Variants in TENM3 observed in about 807,000 individuals in gnomAD.
TENM3 encodes the protein teneurin transmembrane protein 3, also known as teneurin-3.
TENM3 carries 63 observed loss-of-function variants against 255.1 expected under a neutral mutation model. The ratio of observed to expected loss-of-function variants is 0.25; its 90% CI spans 0.20 to 0.30. TENM3 has a LOEUF of 0.30. TENM3 is among the 10% of genes least tolerant of loss of function. The probability of loss-of-function intolerance (pLI) is 1.00; values close to 1 mark genes in which losing one functional copy is unlikely to be tolerated. For synonymous variants in TENM3, 1,306 were observed against 1,322.3 expected (o/e 0.99, Z 0.27); for missense variants, 2,929 against 3,461.1 (o/e 0.85, Z 3.86).
intron 1 of TENM3, among the ~76,000 whole-genome samples, chr4:182,171,855 A>G (rs767012378): frequency 6.6e-6 from 1 of 152,196 alleles, no homozygotes; most frequent in African/African-American, 2.4e-5. Flanking sequence ...ACTGATTTTT[A>G]TAAACCGTGC....
At chr4:182,017,887 T>C in the TENM3 span, among the ~76,000 whole-genome samples, 22 of 152,192 alleles carry the variant, frequency 1.4e-4, no homozygotes, top group Admixed American at 3.9e-4. Context: ...TTATAATTTA[T>C]TGGCAATGTC....
the TENM3 span, among the ~76,000 whole-genome samples, chr4:181,800,407 G>A: frequency 1.4e-4 from 22 of 152,284 alleles, no homozygotes; most frequent in African/African-American, 4.6e-4. Context: ...CGAGGCAGGC[G>A]GATCACCTGA....
At chr4:182,321,967 T>A (rs1763082300) in intron 1 of TENM3, among the ~76,000 whole-genome samples, 1 of 151,984 alleles carries the variant, frequency 6.6e-6, no homozygotes, top group African/African-American at 2.4e-5. Context: ...AATAAATAAA[T>A]AAATAATACT....
intron 3 of TENM3, among the ~76,000 whole-genome samples, chr4:182,491,509 AATATTT>A (rs1014443279): frequency 2.6e-5 from 4 of 152,040 alleles, no homozygotes; most frequent in Non-Finnish European, 5.9e-5. Context: ...TGGTATGTAG[AATATTT>A]ATATTTATAT....
At chr4:181,910,609 T>A in the TENM3 span, among the ~76,000 whole-genome samples, 7 of 136,984 alleles carry the variant, frequency 5.1e-5, no homozygotes, top group Non-Finnish European at 7.9e-5. Flanking sequence ...TATATATATA[T>A]AAATACACGT....
At chr4:182,268,873 T>G (rs1008236085) in intron 1 of TENM3, among the ~76,000 whole-genome samples, 2 of 152,202 alleles carry the variant, frequency 1.3e-5, no homozygotes, top group Non-Finnish European at 2.9e-5. Context: ...CCCTCGGGGC[T>G]GCTCTGTCTA....
chr4:181,801,899 A>G, the TENM3 span, among the ~76,000 whole-genome samples: 2 of 151,786 alleles, frequency 1.3e-5, no homozygotes, highest in Non-Finnish European at 2.9e-5. Flanking sequence ...TCTTTTTTGA[A>G]CTTTGTCCTT....
chr4:182,504,219 C>T (rs1736597391), intron 3 of TENM3, among the ~76,000 whole-genome samples: 1 of 152,058 alleles, frequency 6.6e-6, no homozygotes, highest in Non-Finnish European at 1.5e-5. Flanking sequence ...CACTCATCCC[C>T]TGATGAATCT....
the TENM3 span, among the ~76,000 whole-genome samples, chr4:181,894,586 G>A: frequency 6.6e-6 from 1 of 152,142 alleles, no homozygotes; most frequent in African/African-American, 2.4e-5. Flanking sequence ...AAGAGAAGAA[G>A]TGATTGGAAG....
the TENM3 span, among the ~76,000 whole-genome samples, chr4:181,584,990 A>G: frequency 2.7e-4 from 36 of 134,882 alleles, no homozygotes; most frequent in Non-Finnish European, 5.2e-4. Context: ...TGCAACATAA[A>G]CGTATCCAGT....
the TENM3 span, among the ~76,000 whole-genome samples, chr4:181,556,556 T>A: frequency 6.6e-6 from 1 of 152,304 alleles, no homozygotes; most frequent in Admixed American, 6.5e-5. Flanking sequence ...TTATATACTC[T>A]GGACATTTTT....
chr4:182,589,027 A>G (rs1429264612), intron 3 of TENM3, among the ~76,000 whole-genome samples: 1 of 152,196 alleles, frequency 6.6e-6, no homozygotes, highest in African/African-American at 2.4e-5. Context: ...ACAAGAAGAG[A>G]ATAGCAGAGA....
At chr4:182,230,834 A>G (rs1432595797) in intron 1 of TENM3, among the ~76,000 whole-genome samples, 1 of 111,948 alleles carries the variant, frequency 8.9e-6, no homozygotes, top group Non-Finnish European at 2.0e-5. Flanking sequence ...ATATATATAT[A>G]TATATATATA....
At chr4:181,485,481 A>AT in the TENM3 span, among the ~76,000 whole-genome samples, 4,763 of 150,878 alleles carry the variant, frequency 0.032, 241 homozygotes, top group African/African-American at 0.11. Flanking sequence ...GTAGAAGAAG[A>AT]TTTTTTTTAA....
At chr4:182,028,745 G>C in the TENM3 span, among the ~76,000 whole-genome samples, 1 of 152,028 alleles carries the variant, frequency 6.6e-6, no homozygotes, top group Non-Finnish European at 1.5e-5. Context: ...GCTTGTATTT[G>C]TATGTTTTCT....
the TENM3 span, among the ~76,000 whole-genome samples, chr4:181,814,160 G>A: frequency 2.0e-5 from 3 of 152,080 alleles, no homozygotes; most frequent in African/African-American, 4.8e-5. Flanking sequence ...ATATAAAACA[G>A]CAATAAATTT....
chr4:181,953,253 G>A, the TENM3 span, among the ~76,000 whole-genome samples: 3 of 129,624 alleles, frequency 2.3e-5, no homozygotes, highest in South Asian at 2.8e-4. Flanking sequence ...TAATGATGAT[G>A]GCCACCACCA....
intron 3 of TENM3, among the ~76,000 whole-genome samples, chr4:182,562,840 T>C (rs115907234): frequency 0.011 from 1,729 of 152,254 alleles, 30 homozygotes; most frequent in African/African-American, 0.039. Context: ...CACAGTCAGG[T>C]ACTGTGGGGG....
the TENM3 span, among the ~76,000 whole-genome samples, chr4:181,570,676 A>AAGCG: frequency 6.6e-6 from 1 of 152,010 alleles, no homozygotes; most frequent in Non-Finnish European, 1.5e-5. Flanking sequence ...GCAAGCAAGC[A>AAGCG]AGCAAGCAAG....
Sources: gnomAD v4.1 joint callset for allele counts (sites outside exome capture counted in the v4.1 genomes callset) on GRCh38, gnomAD v4.1.1 for gene constraint, MANE v1.5 for transcripts, NCBI Gene and HGNC (gene_info 2026-07-23, HGNC 2026-07-21) for gene names.